The following RTN4RL2 variants were observed in gnomAD, a reference collection of about 807,000 sequenced individuals.
RTN4RL2 encodes reticulon-4 receptor-like 2.
In RTN4RL2, 9 loss-of-function variants were observed where a neutral mutation model predicts 27.8. That is an observed-to-expected ratio of 0.32 (90% CI 0.20 to 0.57). The LOEUF is 0.57. Among genes scored for constraint, RTN4RL2 ranks in the 20% least tolerant of loss-of-function variants. The pLI is 0.90. For synonymous variants in RTN4RL2, 285 were observed against 297.9 expected (o/e 0.96, Z 0.45); for missense variants, 436 against 596.8 (o/e 0.73, Z 2.81).
chr11:57,475,567 T>C (rs960244061), intron 2 of RTN4RL2, among the ~76,000 whole-genome samples: 1 of 150,548 alleles, frequency 6.6e-6, no homozygotes, highest in African/African-American at 2.4e-5. Flanking sequence ...AAAAGAATAA[T>C]GGCTAACTCA....
intron 1 of RTN4RL2, among the ~76,000 whole-genome samples, chr11:57,461,932 C>A (rs1943488194): frequency 6.6e-6 from 1 of 151,988 alleles, no homozygotes; most frequent in Admixed American, 6.5e-5. Context: ...AGGGATGAGA[C>A]AAAGAGGCTT....
intron 2 of RTN4RL2, among the ~76,000 whole-genome samples, chr11:57,469,928 G>A (rs1241888220): frequency 6.6e-6 from 1 of 152,134 alleles, no homozygotes; most frequent in Admixed American, 6.5e-5. Flanking sequence ...TGTGACCGGA[G>A]GCTTATGTCT....
At chr11:57,461,389 A>T (rs1943483661) in intron 1 of RTN4RL2, among the ~76,000 whole-genome samples, 1 of 132,944 alleles carries the variant, frequency 7.5e-6, no homozygotes, top group Admixed American at 7.9e-5. Context: ...TAGAAAGAGG[A>T]TAGTTCTACT....
Position 57,460,767 on chromosome 11 carries a change from C to G in RTN4RL2, c.-99C>G. ...GCAGCCCGGGGACTCCCGGGCCCTC[C>G]CGGAGCCCCGCGGGGTCCCCGCCGT... is the stretch of plus-strand genomic sequence containing the variant. On this transcript the variant is annotated 5_prime_UTR_variant, in exon 1 of 3. Transcript: ENST00000335099. 1 of 581,532 alleles carries G rather than the reference C, an allele frequency of 1.7e-6. No individual in the cohort carries two copies. Among genetic ancestry groups the G allele is most frequent in the Non-Finnish European group, 2.8e-6 (1 of 361,726 alleles). 36.0% of individuals were successfully genotyped at this position (581,532 alleles called of 1,614,324 possible).
At chr11:57,460,989 A>T in intron 1 of RTN4RL2, 93 bp downstream of exon 1, 79 of 611,974 alleles carry the variant, frequency 1.3e-4, no homozygotes, top group Middle Eastern at 4.8e-4. Context: ...GCAGTTGGGG[A>T]GGTGGGGTAA....
intron 1 of RTN4RL2, among the ~76,000 whole-genome samples, 163 bp downstream of exon 1, chr11:57,461,059 A>G (rs112560466): frequency 7.6e-4 from 116 of 152,154 alleles, no homozygotes; most frequent in African/African-American, 2.6e-3. Flanking sequence ...GGCTGTTCTC[A>G]GCAGGAGGGC....
At chr11:57,464,133 G>T (rs1243969119) in intron 1 of RTN4RL2, among the ~76,000 whole-genome samples, 1 of 152,244 alleles carries the variant, frequency 6.6e-6, no homozygotes, top group East Asian at 1.9e-4. Context: ...ATGGGCTGGG[G>T]GAGGTGAGCC....
At chr11:57,462,192 G>A (rs893491044) in intron 1 of RTN4RL2, among the ~76,000 whole-genome samples, 10 of 152,198 alleles carry the variant, frequency 6.6e-5, no homozygotes, top group African/African-American at 9.6e-5. Flanking sequence ...AGCCGCTGCC[G>A]CCACCACGGT....
intron 1 of RTN4RL2, among the ~76,000 whole-genome samples, chr11:57,462,774 T>C (rs1943493817): frequency 6.6e-6 from 1 of 152,270 alleles, no homozygotes; most frequent in African/African-American, 2.4e-5. Flanking sequence ...CTGGCCTCTC[T>C]TGGCTCCCTC....
chr11:57,476,444 G>A lies in RTN4RL2; in HGVS notation c.796G>A (p.Asp266Asn). 6.4e-7 allele frequency: 1 copy of A among 1,574,014 alleles called. No individual in the cohort carries two copies. Among genetic ancestry groups the A allele is most frequent in the Non-Finnish European group, 8.6e-7 (1 of 1,168,988 alleles). Residue 266 changes from aspartate (D) to asparagine (N), a missense_variant, in exon 3 of 3, where the codon GAC becomes AAC. Physicochemically the swap from Asp to Asn is conservative, Grantham distance 23. Transcript: ENST00000335099. This position sits in a 1 kb window ranked among gnomAD's most constrained non-coding sequence, Gnocchi z 8.2. ...LRLNANPWAC[D>N]CRARPLWAWF... Reference sequence around the variant, plus strand: ...GCTCAACGCTAACCCCTGGGCGTGCGACTGCCGCGCGCGGCCGCTCTGGGC... The same window carrying A: ...GCTCAACGCTAACCCCTGGGCGTGCAACTGCCGCGCGCGGCCGCTCTGGGC...
chr11:57,468,018 C>A lies in RTN4RL2; in HGVS notation c.441C>A (p.Pro147=). 6.2e-7 allele frequency: 1 copy of A among 1,602,070 alleles called. No individual in the cohort carries two copies. Among genetic ancestry groups the A allele is most frequent in the Non-Finnish European group, 8.5e-7 (1 of 1,179,936 alleles). ...HLYRCQLSSL[P]GNIFRGLVSL... Reference sequence around the variant, plus strand: ...ACCGCTGCCAGCTCAGCAGCCTGCCCGGCAACATCTTCCGAGGCCTGGTCA... The same window carrying A: ...ACCGCTGCCAGCTCAGCAGCCTGCCAGGCAACATCTTCCGAGGCCTGGTCA... Residue 147 remains proline (P), a synonymous_variant, in exon 2 of 3, where the codon CCC becomes CCA. Coordinates refer to ENST00000335099, the MANE Select transcript of RTN4RL2 (RefSeq NM_178570.3).
intron 1 of RTN4RL2, among the ~76,000 whole-genome samples, chr11:57,461,811 G>A (rs1354711528): frequency 3.9e-5 from 6 of 152,104 alleles, no homozygotes; most frequent in Admixed American, 1.3e-4. Flanking sequence ...AGGAACCGGC[G>A]AAGAGGGTTG....
chr11:57,474,119 A>G (rs868704067), intron 2 of RTN4RL2, among the ~76,000 whole-genome samples: 1 of 152,176 alleles, frequency 6.6e-6, no homozygotes, highest in Non-Finnish European at 1.5e-5. Context: ...AGAGAACAAG[A>G]GCACCAGGCC....
Position 57,476,659 on chromosome 11 carries a change from CG to C in RTN4RL2, c.1015del (p.Ala339ArgfsTer185), listed in dbSNP as rs756618762. 2 of 1,408,034 alleles carry C rather than the reference CG, an allele frequency of 1.4e-6. No individual in the cohort carries two copies. The highest frequency in any genetic ancestry group is 3.2e-5 in the South Asian group (2 of 62,590). 87.2% of individuals were successfully genotyped at this position (1,408,034 alleles called of 1,614,324 possible). A position where few individuals can be genotyped will look rare whatever the true frequency, so the allele number is the denominator to read the frequency against. ...ACCACCTGTACGGGGTGGCCGAGGC[CG>C]GGGCGCCCCCAGCCGATCCCTCCAC... is the stretch of plus-strand genomic sequence containing the variant. ...SNHLYGVAEA[G>X]APPADPSTLY... On this transcript the variant is annotated frameshift_variant, in exon 3 of 3. Transcript: ENST00000335099. LOFTEE classifies it high-confidence loss of function. The surrounding 1 kb of genome is among the most constrained non-coding windows in gnomAD (Gnocchi z 8.2).
intron 2 of RTN4RL2, among the ~76,000 whole-genome samples, chr11:57,473,735 G>C (rs567891048): frequency 2.0e-4 from 31 of 152,178 alleles, no homozygotes; most frequent in African/African-American, 6.3e-4. Flanking sequence ...CAGCTTGGAT[G>C]GGGGGAGGAG....
At chr11:57,464,183 G>A (rs1943505887) in intron 1 of RTN4RL2, among the ~76,000 whole-genome samples, 1 of 152,172 alleles carries the variant, frequency 6.6e-6, no homozygotes, top group African/African-American at 2.4e-5. Context: ...GAAGGAGAGT[G>A]GGGAAAGAGA....
intron 2 of RTN4RL2, among the ~76,000 whole-genome samples, chr11:57,474,431 T>C (rs1943584214): frequency 6.6e-6 from 1 of 152,096 alleles, no homozygotes. Context: ...ACCAGGCTCC[T>C]GGGTGGCAGG....
chr11:57,474,885 T>G (rs1351840978), intron 2 of RTN4RL2, among the ~76,000 whole-genome samples: 1 of 152,192 alleles, frequency 6.6e-6, no homozygotes, highest in Non-Finnish European at 1.5e-5. Context: ...GTGGCCTGAT[T>G]AGGTGACTCC....
At chr11:57,465,309 C>T (rs1001891601) in intron 1 of RTN4RL2, among the ~76,000 whole-genome samples, 1 of 152,204 alleles carries the variant, frequency 6.6e-6, no homozygotes, top group African/African-American at 2.4e-5. Context: ...CACATTCACG[C>T]ACACGGCAAC....
Sources: gnomAD v4.1 joint callset for allele counts (sites outside exome capture counted in the v4.1 genomes callset) on GRCh38, gnomAD v4.1.1 for gene constraint, Gnocchi (gnomAD v3.1) non-coding constraint, MANE v1.5 for transcripts, NCBI Gene and HGNC (gene_info 2026-07-23, HGNC 2026-07-21) for gene names.